The following BZW2 variants were observed in gnomAD, a reference collection of about 807,000 sequenced individuals.
The protein encoded by BZW2 is eIF5-mimic protein 1.
Under a neutral mutation model 53.2 loss-of-function variants are expected in BZW2, and 23 were observed. That is an observed-to-expected ratio of 0.43 (90% CI 0.31 to 0.61). The LOEUF (loss-of-function observed/expected upper bound fraction) is 0.61. BZW2 is among the 20% of genes least tolerant of loss of function. The pLI is 0.09. For missense variants in BZW2, 409 were observed against 503.1 expected, an observed-to-expected ratio of 0.81 and a Z score of 1.79; for synonymous variants, 227 against 186.4, an observed-to-expected ratio of 1.22 and a Z score of -1.77.
intron 6 of BZW2, among the ~76,000 whole-genome samples, chr7:16,688,212 C>A (rs181266962): frequency 1.3e-4 from 20 of 152,242 alleles, no homozygotes; most frequent in Admixed American, 1.3e-3. Flanking sequence ...TTAGGACAGA[C>A]CTCAGGCTGA....
At chr7:16,685,789 C>A in intron 5 of BZW2, 116 bp from the exon 6 acceptor site, 1 of 1,274,670 alleles carries the variant, frequency 7.8e-7, no homozygotes. Flanking sequence ...GTTTGTGTGC[C>A]ACGTAGCCAT....
At chr7:16,677,664 C>T (rs1722960954) in intron 3 of BZW2, among the ~76,000 whole-genome samples, 1 of 152,086 alleles carries the variant, frequency 6.6e-6, no homozygotes, top group African/African-American at 2.4e-5. Flanking sequence ...ACAAACTTAA[C>T]AAGGAGGTTA....
chr7:16,646,546 C>A (rs1340591114), intron 1 of BZW2, among the ~76,000 whole-genome samples: 1 of 140,886 alleles, frequency 7.1e-6, no homozygotes, highest in Non-Finnish European at 1.6e-5. Flanking sequence ...CGCGGGCGGG[C>A]GGGCGGGGGC....
chr7:16,695,923 T>G (rs706040), intron 8 of BZW2: 117,019 of 152,202 alleles, frequency 0.77, 45,966 homozygotes, highest in African/African-American at 0.94. Flanking sequence ...ATTTGTACAT[T>G]ATTTTCCATG....
At chr7:16,671,311 T>C (rs1451535139) in intron 2 of BZW2, among the ~76,000 whole-genome samples, 1 of 152,240 alleles carries the variant, frequency 6.6e-6, no homozygotes, top group Non-Finnish European at 1.5e-5. Context: ...TGAACTATGA[T>C]ATGACTGCAT....
intron 3 of BZW2, among the ~76,000 whole-genome samples, chr7:16,677,373 A>T (rs1337673663): frequency 1.3e-5 from 2 of 152,152 alleles, no homozygotes; most frequent in Non-Finnish European, 2.9e-5. Flanking sequence ...ACCCTAGGAA[A>T]TCCAGCTAGT....
intron 7 of BZW2, among the ~76,000 whole-genome samples, chr7:16,692,865 GGT>G (rs1783357244): frequency 6.6e-6 from 1 of 152,178 alleles, no homozygotes; most frequent in Non-Finnish European, 1.5e-5. Flanking sequence ...AGATGACATT[GGT>G]GTAAAGACTT....
intron 11 of BZW2, 103 bp from the exon 12 acceptor site, chr7:16,705,957 A>G (rs1015911568): frequency 7.7e-7 from 1 of 1,297,912 alleles, no homozygotes. Flanking sequence ...GGGTAAAAGT[A>G]TGCTGGTGCA....
chr7:16,650,962 A>C (rs1030018149), intron 1 of BZW2, among the ~76,000 whole-genome samples: 1 of 152,244 alleles, frequency 6.6e-6, no homozygotes, highest in African/African-American at 2.4e-5. Flanking sequence ...CAAAAAGATA[A>C]TGTTCTCATT....
Position 16,696,989 on chromosome 7 carries a change from A to C in BZW2, c.897A>C (p.Thr299=), listed in dbSNP as rs765899562. 2.5e-6 allele frequency: 4 copies of C among 1,614,186 alleles called. No homozygotes were observed. The highest frequency in any genetic ancestry group is 3.4e-6 in the Non-Finnish European group (4 of 1,180,006). Residue 299 remains threonine, a synonymous_variant, in exon 9 of 12, where the codon ACA becomes ACC. Coordinates refer to ENST00000258761, the MANE Select transcript of BZW2 (RefSeq NM_014038.3). ...PETAVIGLLW[T]CIMNAVEWNK... ...CAGCAGTGATTGGTCTTCTGTGGAC[A>C]TGTATAATGAACGCTGTTGAGTGGA...
At position 16,697,995 on chromosome 7, in the gene BZW2, G is replaced by T. The variant is rs116196420; in HGVS notation, c.970-53G>T. ...TTACTGTTATAGTTCCAGCAGTGTC[G>T]GCTCTGTACCTCCCACGCAAGTGAC... is the stretch of plus-strand genomic sequence containing the variant. On this transcript the variant is annotated intron_variant, in intron 9 of 11. Transcript: ENST00000258761. The T allele has an allele frequency of 1.5e-3, 2,483 of 1,603,846 alleles. 34 individuals carry two copies. The African/African-American group carries it at 0.027, about 18-fold the overall frequency.
At chr7:16,650,077 G>A (rs1420528069) in intron 1 of BZW2, among the ~76,000 whole-genome samples, 1 of 151,966 alleles carries the variant, frequency 6.6e-6, no homozygotes, top group Non-Finnish European at 1.5e-5. Flanking sequence ...TATACTTGGA[G>A]TTTCGCTTAT....
At position 16,670,104 on chromosome 7, in the gene BZW2, G is replaced by A. The variant is rs114186259; in HGVS notation, c.59-4308G>A. Among the ~76,000 whole-genome samples the A allele has an allele frequency of 1.8e-3, 272 of 152,222 alleles. 1 individual carries two copies. Among genetic ancestry groups the A allele is most frequent in the African/African-American group, 6.0e-3 (248 of 41,532 alleles). ...ATGGTCACTTTGTTTTAGCAGCTGG[G>A]AGCTTTTTTCAGCCTGCAAAACAAT... On this transcript the variant is annotated intron_variant, in intron 2 of 11. Transcript: ENST00000258761.
Position 16,646,212 on chromosome 7 carries a change from C to A in BZW2, c.-84C>A. On this transcript the variant is annotated 5_prime_UTR_variant, in exon 1 of 12. It adds an upstream start codon to the 5' untranslated region. Coordinates refer to ENST00000258761, the MANE Select transcript of BZW2 (RefSeq NM_014038.3). ...CCATTGTCTGCCGCCACTGCTGCTG[C>A]TGCTGCTGCTGCCGCTGCTGCTGCA... 5.8e-6 allele frequency: 2 copies of A among 345,438 alleles called. No individual in the cohort carries two copies. The highest frequency in any genetic ancestry group is 1.2e-5 in the Non-Finnish European group (2 of 169,684). The allele number at this position is 345,438 out of a possible 1,614,324, so 21.4% of individuals were successfully genotyped here. A position where few individuals can be genotyped will look rare whatever the true frequency, so the allele number is the denominator to read the frequency against.
In BZW2 at chr7:16,704,967, C is replaced by T. The variant is rs149465478; in HGVS notation, c.1231+298C>T. On this transcript the variant is annotated intron_variant, in intron 11 of 11. Coordinates refer to ENST00000258761, the MANE Select transcript of BZW2 (RefSeq NM_014038.3). ...GAGAAAAATACATTTAGCTTAATCA[C>T]GCATTATGGAATTCTATAGATTTTT... Among the ~76,000 whole-genome samples the T allele has an allele frequency of 7.9e-5, 12 of 152,234 alleles. No individual in the cohort carries two copies. The East Asian group carries it at 1.2e-3, about 15-fold the overall frequency.
chr7:16,659,502 GAA>G (rs967434807), intron 1 of BZW2, among the ~76,000 whole-genome samples: 1 of 152,064 alleles, frequency 6.6e-6, no homozygotes, highest in African/African-American at 2.4e-5. Flanking sequence ...TCTTTGGAGA[GAA>G]TGATAATACA....
intron 3 of BZW2, among the ~76,000 whole-genome samples, chr7:16,677,384 C>T (rs1348944150): frequency 1.3e-5 from 2 of 152,170 alleles, no homozygotes; most frequent in Non-Finnish European, 2.9e-5. Flanking sequence ...TCCAGCTAGT[C>T]CTGTCTCTTA....
At chr7:16,666,721 A>G (rs952188917) in intron 2 of BZW2, among the ~76,000 whole-genome samples, 1 of 152,034 alleles carries the variant, frequency 6.6e-6, no homozygotes, top group African/African-American at 2.4e-5. Flanking sequence ...CTAGGCTGGA[A>G]TACAGTGGTG....
At chr7:16,652,471 A>C (rs978596933) in intron 1 of BZW2, among the ~76,000 whole-genome samples, 6 of 152,146 alleles carry the variant, frequency 3.9e-5, no homozygotes, top group Non-Finnish European at 8.8e-5. Flanking sequence ...CTAGTACCAG[A>C]CCTGGTATAT....
Sources: allele counts gnomAD v4.1 joint callset (sites outside exome capture counted in the v4.1 genomes callset), GRCh38; gene constraint gnomAD v4.1.1; transcripts MANE v1.5; gene names NCBI Gene and HGNC (gene_info 2026-07-23, HGNC 2026-07-21).